The following KCNIP4 variants were observed in gnomAD, a reference collection of about 807,000 sequenced individuals.
KCNIP4 encodes Kv channel-interacting protein 4.
In KCNIP4, 12 loss-of-function variants were observed where a neutral mutation model predicts 34.0. That is an observed-to-expected ratio of 0.35 (90% CI 0.23 to 0.57). KCNIP4 has a LOEUF of 0.57. Among genes scored for constraint, KCNIP4 ranks in the 20% least tolerant of loss-of-function variants. KCNIP4 has a pLI of 0.83. For synonymous variants in KCNIP4, 124 were observed against 102.2 expected (o/e 1.21, Z -1.29); for missense variants, 238 against 311.7 (o/e 0.76, Z 1.78).
rs527461939 is a variant in KCNIP4 at position 21,334,494 on chromosome 4, A to AT, written c.62-451786dup. 1.0e-3 allele frequency among the ~76,000 whole-genome samples: 152 copies of AT among 152,148 alleles called. 2 individuals carry two copies. Among genetic ancestry groups the AT allele is most frequent in the East Asian group, 8.3e-3 (43 of 5,178 alleles). ...TTTAGGAACAAGCTATTCCCTTACC[A>AT]TTTTTTAAAATAGCTTTTTTTGAGG... On this transcript the variant is annotated intron_variant, in intron 1 of 8. Transcript: ENST00000382152.
chr4:21,554,374 G>C (rs35181620), intron 1 of KCNIP4, among the ~76,000 whole-genome samples: 14,744 of 152,132 alleles, frequency 0.097, 823 homozygotes, highest in Middle Eastern at 0.19. Context: ...GTTTGATGGG[G>C]AGCCAAGACT....
At chr4:21,055,814 G>C (rs1351970487) in intron 1 of KCNIP4, among the ~76,000 whole-genome samples, 1 of 152,138 alleles carries the variant, frequency 6.6e-6, no homozygotes, top group Non-Finnish European at 1.5e-5. Context: ...ACACACAGAG[G>C]ATTATTAACG....
At chr4:21,523,796 C>A (rs921068987) in intron 1 of KCNIP4, among the ~76,000 whole-genome samples, 5 of 152,020 alleles carry the variant, frequency 3.3e-5, no homozygotes, top group African/African-American at 1.2e-4. Context: ...TGGTCTCAAA[C>A]TCCTGGACTC....
At chr4:21,325,772 T>C (rs1714978750) in intron 1 of KCNIP4, among the ~76,000 whole-genome samples, 1 of 151,856 alleles carries the variant, frequency 6.6e-6, no homozygotes, top group Non-Finnish European at 1.5e-5. Context: ...TTGCTATATC[T>C]CATAGGTTTT....
chr4:21,158,059 G>T (rs1441787084), intron 1 of KCNIP4, among the ~76,000 whole-genome samples: 1 of 151,946 alleles, frequency 6.6e-6, no homozygotes, highest in Non-Finnish European at 1.5e-5. Flanking sequence ...ACACGCATGT[G>T]AAATGAACAA....
chr4:21,317,719 T>G (rs1330659098), intron 1 of KCNIP4, among the ~76,000 whole-genome samples: 1 of 152,160 alleles, frequency 6.6e-6, no homozygotes, highest in Admixed American at 6.5e-5. Flanking sequence ...CATCTTGAAT[T>G]CCCACTTGTT....
chr4:21,302,849 G>A (rs1249076701), intron 1 of KCNIP4, among the ~76,000 whole-genome samples: 2 of 152,088 alleles, frequency 1.3e-5, no homozygotes, highest in African/African-American at 4.8e-5. Context: ...TCTCTGGAGG[G>A]CTGGATTAGT....
intron 1 of KCNIP4, among the ~76,000 whole-genome samples, chr4:21,231,080 C>A (rs905638240): frequency 6.6e-6 from 1 of 152,082 alleles, no homozygotes; most frequent in African/African-American, 2.4e-5. Flanking sequence ...AATATAGCAG[C>A]CTCAAGAGAT....
At chr4:21,158,521 C>A (rs934278782) in intron 1 of KCNIP4, among the ~76,000 whole-genome samples, 2 of 151,866 alleles carry the variant, frequency 1.3e-5, no homozygotes, top group Non-Finnish European at 2.9e-5. Flanking sequence ...CTGTAATTTA[C>A]AATATTAACA....
intron 1 of KCNIP4, among the ~76,000 whole-genome samples, chr4:21,825,318 A>G (rs901786610): frequency 6.6e-6 from 1 of 152,084 alleles, no homozygotes; most frequent in African/African-American, 2.4e-5. Flanking sequence ...TCTGACATTT[A>G]TTTTTGACTT....
chr4:21,597,989 A>G (rs1742790177), intron 1 of KCNIP4, among the ~76,000 whole-genome samples: 1 of 152,118 alleles, frequency 6.6e-6, no homozygotes, highest in Admixed American at 6.6e-5. Flanking sequence ...ATAATTATGA[A>G]CTGTTGATTC....
intron 1 of KCNIP4, among the ~76,000 whole-genome samples, chr4:21,654,437 T>C (rs917120567): frequency 1.3e-5 from 2 of 151,968 alleles, no homozygotes; most frequent in African/African-American, 4.8e-5. Flanking sequence ...GGAAAAGGAG[T>C]GTCTTTTTTC....
intron 1 of KCNIP4, among the ~76,000 whole-genome samples, chr4:21,695,731 A>T (rs1712238176): frequency 6.6e-6 from 1 of 152,194 alleles, no homozygotes; most frequent in South Asian, 2.1e-4. Context: ...AAATCCAGTC[A>T]GAAACAGACA....
At position 21,370,850 on chromosome 4, in the gene KCNIP4, T is replaced by TAC. The variant is rs376590317; in HGVS notation, c.62-488143_62-488142dup. Among the ~76,000 whole-genome samples the TAC allele has an allele frequency of 9.3e-3, 138 of 14,836 alleles. 8 individuals carry two copies. The highest frequency in any genetic ancestry group is 0.019 in the East Asian group (5 of 264). 9.7% of individuals were successfully genotyped at this position (14,836 alleles called of 152,430 possible). On this transcript the variant is annotated intron_variant, in intron 1 of 8. Coordinates refer to ENST00000382152, the MANE Select transcript of KCNIP4 (RefSeq NM_025221.6). Reference sequence around the variant, plus strand: ...ATATATATATATATATATATATATATACACACACACACACACACACACACA... The same window carrying TAC: ...ATATATATATATATATATATATATATACACACACACACACACACACACACACA...
At chr4:21,455,813 A>T (rs941128948) in intron 1 of KCNIP4, among the ~76,000 whole-genome samples, 4 of 7,060 alleles carry the variant, frequency 5.7e-4, no homozygotes, top group African/African-American at 1.7e-3. Context: ...ATATTCATAT[A>T]TATATATATA....
At chr4:21,091,072 G>C (rs540979666) in intron 1 of KCNIP4, among the ~76,000 whole-genome samples, 1 of 152,244 alleles carries the variant, frequency 6.6e-6, no homozygotes, top group South Asian at 2.1e-4. Context: ...CTAATGCCTG[G>C]CTGTGCCTTG....
In KCNIP4 at chr4:20,870,746, A is replaced by T. The variant is rs147701115; in HGVS notation, c.163+11862T>A. On this transcript the variant is annotated intron_variant, in intron 2 of 8. Coordinates refer to ENST00000382152, the MANE Select transcript of KCNIP4 (RefSeq NM_025221.6). ...CAATAACTGAGCTTTATAGTCTCTC[A>T]TTTCCTCCCACACAACTTATGATTT... Among the ~76,000 whole-genome samples the T allele has an allele frequency of 3.1e-4, 47 of 152,240 alleles. No individual in the cohort carries two copies. In the East Asian group the frequency reaches 9.1e-3, roughly 29 times the overall value.
chr4:21,644,553 G>C (rs1294029458), intron 1 of KCNIP4, among the ~76,000 whole-genome samples: 1 of 152,084 alleles, frequency 6.6e-6, no homozygotes, highest in Non-Finnish European at 1.5e-5. Context: ...GATGAGGAAG[G>C]GGTAAGTCCA....
intron 3 of KCNIP4, among the ~76,000 whole-genome samples, chr4:20,810,681 GAGTT>G (rs1305063413): frequency 5.3e-5 from 8 of 152,166 alleles, no homozygotes; most frequent in Admixed American, 2.0e-4. Context: ...TGAACAGAAA[GAGTT>G]AGATCTGGGT....
Sources: allele counts gnomAD v4.1 joint callset (sites outside exome capture counted in the v4.1 genomes callset), GRCh38; gene constraint gnomAD v4.1.1; transcripts MANE v1.5; gene names NCBI Gene and HGNC (gene_info 2026-07-23, HGNC 2026-07-21).